The following CCL24 variants were observed in gnomAD, a reference collection of about 807,000 sequenced individuals.
CCL24 encodes C-C motif chemokine 24.
CCL24 carries 6 observed loss-of-function variants against 8.6 expected under a neutral mutation model. The ratio of observed to expected loss-of-function variants is 0.70; its 90% CI spans 0.38 to 1.38. The LOEUF (loss-of-function observed/expected upper bound fraction) is 1.38. Ranked by LOEUF, CCL24 falls within the 40% of genes most tolerant of loss-of-function variation. CCL24 has a pLI of 0.02. For synonymous variants in CCL24, 59 were observed against 52.7 expected, an observed-to-expected ratio of 1.12 and a Z score of -0.52; for missense variants, 126 against 147.1, an observed-to-expected ratio of 0.86 and a Z score of 0.74.
At chr7:75,820,098 T>TTTC (rs1563353942) in intron 1 of CCL24, among the ~76,000 whole-genome samples, 2 of 118,534 alleles carry the variant, frequency 1.7e-5, no homozygotes, top group African/African-American at 5.8e-5. Flanking sequence ...CCTCTTCTTC[T>TTTC]TCTTCTTCCT....
At chr7:75,814,431 T>G (rs1459085063), upstream of CCL24, among the ~76,000 whole-genome samples, 1 of 152,082 alleles carries the variant, frequency 6.6e-6, no homozygotes, top group East Asian at 1.9e-4. Context: ...CCAGGCGTGG[T>G]GGTGCAGGCT....
upstream of CCL24, among the ~76,000 whole-genome samples, chr7:75,815,683 C>T (rs1243860455): frequency 5.9e-5 from 9 of 151,954 alleles, no homozygotes; most frequent in Non-Finnish European, 1.2e-4. Context: ...TGGGACATGG[C>T]TCCCACCTCA....
chr7:75,819,579 A>G (rs1315898337), intron 1 of CCL24, among the ~76,000 whole-genome samples: 1 of 151,352 alleles, frequency 6.6e-6, no homozygotes, highest in Non-Finnish European at 1.5e-5. Flanking sequence ...CCTGGGTAAC[A>G]TAACATATCC....
chr7:75,812,008 C>T lies in CCL24; in HGVS notation c.192-44G>A, dbSNP rs782574637. 4 of 1,555,696 alleles carry T rather than the reference C, an allele frequency of 2.6e-6. No individual in the cohort carries two copies. The South Asian group carries it at 3.4e-5, about 13-fold the overall frequency. ...GGGGATCAGCTGAGGTCGACAGGGACCTTGGGCCACTCCACTTCATGGCGG... is the reference window on the plus strand; with the variant it reads ...GGGGATCAGCTGAGGTCGACAGGGATCTTGGGCCACTCCACTTCATGGCGG... On this transcript the variant is annotated intron_variant, in intron 2 of 2. Coordinates refer to ENST00000222902, the MANE Select transcript of CCL24 (RefSeq NM_002991.3).
upstream of CCL24, chr7:75,813,841 AAC>A: frequency 1.5e-6 from 1 of 667,818 alleles, no homozygotes; most frequent in Non-Finnish European, 2.7e-6. Context: ...TTTATGGGGC[AAC>A]TAGAAGGAAA....
Position 75,813,407 on chromosome 7 carries a change from G to C in CCL24, c.90C>G (p.Pro30=). 6.2e-7 allele frequency: 1 copy of C among 1,611,890 alleles called. No homozygotes were observed. The highest frequency in any genetic ancestry group is 1.1e-5 in the South Asian group (1 of 91,042). ...AAACAAAGAACATGCAGCAGGGAGA[G>C]GGGATGACCACAGAGCCTAGAAGAG... ...HIIPTGSVVI[P]SPCCMFFVSK... is the part of the protein sequence containing the mutation. The change falls in exon 2 of 3, where the codon CCC becomes CCG. Residue 30 remains proline, a synonymous_variant. Coordinates refer to ENST00000222902, the MANE Select transcript of CCL24 (RefSeq NM_002991.3).
chr7:75,815,471 G>C (rs965396881), upstream of CCL24, among the ~76,000 whole-genome samples: 5 of 151,522 alleles, frequency 3.3e-5, no homozygotes, highest in Non-Finnish European at 2.9e-5. Context: ...GCAAAACCCC[G>C]TCTTTAAAAA....
At chr7:75,814,340 A>T (rs1429890757), upstream of CCL24, among the ~76,000 whole-genome samples, 1 of 152,082 alleles carries the variant, frequency 6.6e-6, no homozygotes, top group African/African-American at 2.4e-5. Context: ...TTCAAGTGGG[A>T]GGATCATTTG....
intron 2 of CCL24, 88 bp downstream of exon 2, chr7:75,813,217 CT>C: frequency 1.4e-6 from 1 of 739,888 alleles, no homozygotes; most frequent in Non-Finnish European, 2.4e-6. Flanking sequence ...ATGCACAGAG[CT>C]GGGGCTGGCT....
rs1258421241 is a variant in CCL24 at position 75,811,609 on chromosome 7, T to C, written c.*187A>G. 1.9e-6 allele frequency: 1 copy of C among 524,362 alleles called. No individual in the cohort carries two copies. The highest frequency in any genetic ancestry group is 3.6e-5 in the Admixed American group (1 of 28,014). The allele number at this position is 524,362 out of a possible 1,614,324, so 32.5% of individuals were successfully genotyped here. A position where few individuals can be genotyped will look rare whatever the true frequency, so the allele number is the denominator to read the frequency against. The stretch of plus-strand genomic sequence containing the variant: ...AAGGGGCCTTGGATGCTTGGAGCCA[T>C]TGCTCAGCCCCCGGGAACCACATCA... On this transcript the variant is annotated 3_prime_UTR_variant, in exon 3 of 3. Transcript: ENST00000222902.
intron 1 of CCL24, among the ~76,000 whole-genome samples, chr7:75,823,001 C>T (rs1554535289): frequency 6.6e-6 from 1 of 152,276 alleles, no homozygotes; most frequent in African/African-American, 2.4e-5. Flanking sequence ...GCCACCACAC[C>T]GAGTTCACTT....
chr7:75,822,520 C>T (rs1804071177), intron 1 of CCL24, among the ~76,000 whole-genome samples: 1 of 152,128 alleles, frequency 6.6e-6, no homozygotes, highest in African/African-American at 2.4e-5. Flanking sequence ...CTCTTATTGT[C>T]CCCATGTCAC....
Position 75,811,444 on chromosome 7 carries a change from A to G in CCL24, c.*352T>C, listed in dbSNP as rs566043427. Among the ~76,000 whole-genome samples the G allele has an allele frequency of 1.3e-5, 2 of 151,248 alleles. No individual in the cohort carries two copies. Among genetic ancestry groups the G allele is most frequent in the African/African-American group, 4.8e-5 (2 of 41,244 alleles). On this transcript the variant is annotated 3_prime_UTR_variant, in exon 3 of 3. Coordinates refer to ENST00000222902, the MANE Select transcript of CCL24 (RefSeq NM_002991.3). ...CAGTGAACCGAGATTGTGCCACTGCACTCCAGCCTGGGTGACAGAGCGAGA... is the reference window on the plus strand; with the variant it reads ...CAGTGAACCGAGATTGTGCCACTGCGCTCCAGCCTGGGTGACAGAGCGAGA...
chr7:75,812,913 G>A (rs1281697824), intron 2 of CCL24, among the ~76,000 whole-genome samples: 1 of 150,880 alleles, frequency 6.6e-6, no homozygotes, highest in East Asian at 2.0e-4. Flanking sequence ...TTGGGTGATA[G>A]AGACTCTGTC....
intron 2 of CCL24, among the ~76,000 whole-genome samples, chr7:75,812,280 T>G (rs1177487067): frequency 6.6e-6 from 1 of 151,546 alleles, no homozygotes; most frequent in Non-Finnish European, 1.5e-5. Flanking sequence ...AGAAACGGAG[T>G]CTCACTATGT....
chr7:75,817,585 C>T (rs1192831864), upstream of CCL24, among the ~76,000 whole-genome samples: 1 of 151,400 alleles, frequency 6.6e-6, no homozygotes, highest in East Asian at 1.9e-4. Flanking sequence ...TCACTGGAGC[C>T]TCAACCTCCC....
chr7:75,820,018 ACTTCTTCTT>A (rs1204717433), intron 1 of CCL24, among the ~76,000 whole-genome samples: 3,192 of 104,478 alleles, frequency 0.031, 104 homozygotes, highest in Non-Finnish European at 0.037. Context: ...TTAGTAAACT[ACTTCTTCTT>A]CTTCTTCTTC....
chr7:75,814,828 T>G (rs782691122), upstream of CCL24, among the ~76,000 whole-genome samples: 4 of 151,804 alleles, frequency 2.6e-5, no homozygotes, highest in Non-Finnish European at 5.9e-5. Context: ...CTACCCTGTT[T>G]CCTGAGTTTC....
At chr7:75,815,269 T>G (rs567793792), upstream of CCL24, among the ~76,000 whole-genome samples, 2 of 150,360 alleles carry the variant, frequency 1.3e-5, no homozygotes, top group Admixed American at 6.6e-5. Context: ...AGCCTAGGAG[T>G]TTGAGGCTAC....
Sources: allele counts gnomAD v4.1 joint callset (sites outside exome capture counted in the v4.1 genomes callset), GRCh38; gene constraint gnomAD v4.1.1; transcripts MANE v1.5; gene names NCBI Gene and HGNC (gene_info 2026-07-23, HGNC 2026-07-21).